Variants in KIAA1217 observed in about 807,000 individuals in gnomAD.
KIAA1217 encodes the protein sickle tail protein homolog.
A neutral mutation model predicts 163.9 loss-of-function variants in KIAA1217; 88 were observed. The observed-to-expected ratio is 0.54, with a 90% CI of 0.45 to 0.64. The LOEUF (loss-of-function observed/expected upper bound fraction) is 0.64. Among genes scored for constraint, KIAA1217 ranks in the 30% least tolerant of loss-of-function variants. The pLI is 0.00. For missense variants in KIAA1217, 2,372 were observed against 2,475.0 expected (o/e 0.96, Z 0.88); for synonymous variants, 903 against 923.1 (o/e 0.98, Z 0.39).
intron 2 of KIAA1217, among the ~76,000 whole-genome samples, chr10:24,375,002 T>G (rs568913948): frequency 1.3e-5 from 2 of 152,238 alleles, no homozygotes; most frequent in Admixed American, 6.5e-5. Context: ...CCCATGCTGG[T>G]CTTGAACTCC....
In KIAA1217 at chr10:23,886,084, T is replaced by C. The variant is rs147774140; in HGVS notation, c.-320-121141T>C. On this transcript the variant is annotated intron_variant, in intron 1 of 18. Transcript: ENST00000376462. The stretch of plus-strand genomic sequence containing the variant: ...TGGGTGTGATTGTGTGGGTGATGCC[T>C]TCAGTGCCGAGGGTGGCTGTAGGGT... Among the ~76,000 whole-genome samples the C allele has an allele frequency of 3.6e-3, 552 of 152,000 alleles. 1 individual carries two copies. The highest frequency in any genetic ancestry group is 0.034 in the Middle Eastern group (10 of 294).
At chr10:24,521,261 C>G (rs906691132) in intron 11 of KIAA1217, among the ~76,000 whole-genome samples, 1 of 151,328 alleles carries the variant, frequency 6.6e-6, no homozygotes, top group Non-Finnish European at 1.5e-5. Flanking sequence ...ACCCAGGAGG[C>G]GGAGGTTACA....
intron 2 of KIAA1217, among the ~76,000 whole-genome samples, chr10:24,175,984 A>G (rs2065871070): frequency 6.6e-6 from 1 of 152,188 alleles, no homozygotes; most frequent in Admixed American, 6.5e-5. Context: ...CAAATCTTCC[A>G]CACTGTGGAA....
At chr10:23,706,581 G>C (rs1041872158) in intron 1 of KIAA1217, among the ~76,000 whole-genome samples, 10 of 151,848 alleles carry the variant, frequency 6.6e-5, no homozygotes, top group African/African-American at 1.9e-4. Context: ...ACTAATTTTT[G>C]ATACTAAACC....
intron 2 of KIAA1217, among the ~76,000 whole-genome samples, chr10:24,342,211 A>G (rs1156834457): frequency 6.6e-6 from 1 of 152,234 alleles, no homozygotes; most frequent in African/African-American, 2.4e-5. Context: ...ACAATTGAGA[A>G]ACAAATCATT....
chr10:24,427,795 A>T (rs2059290622), intron 3 of KIAA1217, among the ~76,000 whole-genome samples: 1 of 152,214 alleles, frequency 6.6e-6, no homozygotes, highest in African/African-American at 2.4e-5. Context: ...TCTAGAAACC[A>T]TGTGGGCTTT....
intron 2 of KIAA1217, among the ~76,000 whole-genome samples, chr10:24,341,171 C>T (rs776345771): frequency 1.7e-4 from 26 of 152,196 alleles, no homozygotes; most frequent in Non-Finnish European, 2.8e-4. Context: ...GCATTCTCCC[C>T]GGGCTGAAGT....
At position 24,175,443 on chromosome 10, in the gene KIAA1217, A is replaced by ATGTGTG. The variant is rs137918207; in HGVS notation, c.-170-44165_-170-44160dup. 3.7e-3 allele frequency among the ~76,000 whole-genome samples: 558 copies of ATGTGTG among 149,994 alleles called. 4 individuals carry two copies. In the East Asian group the frequency reaches 0.049, roughly 13 times the overall value. ...GAATGTTATTCCATGGTGTATATAT[A>ATGTGTG]TGTGTGTGTGTGTGTGTGTGTGTTT... On this transcript the variant is annotated intron_variant, in intron 2 of 18. Transcript: ENST00000376462.
intron 5 of KIAA1217, among the ~76,000 whole-genome samples, chr10:24,450,504 T>C (rs936597377): frequency 6.6e-6 from 1 of 152,236 alleles, no homozygotes; most frequent in Non-Finnish European, 1.5e-5. Context: ...ATTTTTGCAT[T>C]GATTTCCTTT....
At chr10:23,885,307 A>C (rs1389210637) in intron 1 of KIAA1217, among the ~76,000 whole-genome samples, 1 of 151,894 alleles carries the variant, frequency 6.6e-6, no homozygotes, top group Non-Finnish European at 1.5e-5. Flanking sequence ...AGCAGATTTA[A>C]ACTCTACGGT....
At chr10:23,718,033 C>T (rs1000485082) in intron 1 of KIAA1217, among the ~76,000 whole-genome samples, 6 of 152,118 alleles carry the variant, frequency 3.9e-5, no homozygotes, top group African/African-American at 1.4e-4. Context: ...TCTATTGGTT[C>T]GTCTAAGTCC....
At chr10:24,328,636 C>T (rs1051676693) in intron 2 of KIAA1217, among the ~76,000 whole-genome samples, 1 of 151,650 alleles carries the variant, frequency 6.6e-6, no homozygotes, top group African/African-American at 2.4e-5. Flanking sequence ...ATATTGTTTT[C>T]AAATTTTCAG....
chr10:24,208,012 G>A (rs1485018370), upstream of KIAA1217, among the ~76,000 whole-genome samples: 2 of 150,534 alleles, frequency 1.3e-5, no homozygotes, highest in East Asian at 3.9e-4. Flanking sequence ...CCCCTCCTGT[G>A]ACGGGGCTAC....
chr10:24,501,340 T>C, intron 8 of KIAA1217, 39 bp from the exon 9 acceptor site: 1 of 1,582,400 alleles, frequency 6.3e-7, no homozygotes, highest in Non-Finnish European at 8.6e-7. Flanking sequence ...AGACTTTCCT[T>C]TGTGGCCTTC....
At chr10:24,294,177 G>A (rs1443948773) in intron 2 of KIAA1217, among the ~76,000 whole-genome samples, 3 of 97,150 alleles carry the variant, frequency 3.1e-5, no homozygotes. Context: ...GACAGAGCGA[G>A]ACTCCGTCTC....
At chr10:24,241,016 T>G (rs186410454) in intron 2 of KIAA1217, among the ~76,000 whole-genome samples, 1 of 152,182 alleles carries the variant, frequency 6.6e-6, no homozygotes, top group East Asian at 1.9e-4. Flanking sequence ...AGGCTAATTT[T>G]TTGTATTTTT....
At chr10:24,248,120 T>C (rs561255515) in intron 2 of KIAA1217, among the ~76,000 whole-genome samples, 1 of 152,260 alleles carries the variant, frequency 6.6e-6, no homozygotes, top group African/African-American at 2.4e-5. Context: ...CTTTTTCTTT[T>C]TTCCCTTTTC....
chr10:24,148,920 A>G (rs1467944284), intron 2 of KIAA1217, among the ~76,000 whole-genome samples: 1 of 152,126 alleles, frequency 6.6e-6, no homozygotes, highest in Non-Finnish European at 1.5e-5. Flanking sequence ...ATCTTAATCC[A>G]TGTTACATAT....
At chr10:24,029,801 T>C (rs530273534) in intron 2 of KIAA1217, among the ~76,000 whole-genome samples, 1 of 152,306 alleles carries the variant, frequency 6.6e-6, no homozygotes, top group African/African-American at 2.4e-5. Flanking sequence ...TTTGTCTTTG[T>C]TAAAGTGGGG....
Sources: allele counts gnomAD v4.1 joint callset (sites outside exome capture counted in the v4.1 genomes callset), GRCh38; gene constraint gnomAD v4.1.1; transcripts MANE v1.5; gene names NCBI Gene and HGNC (gene_info 2026-07-23, HGNC 2026-07-21).